GPHN: variants seen among roughly 807,000 people sequenced by gnomAD.
The protein encoded by GPHN is gephyrin.
A neutral mutation model predicts 95.5 loss-of-function variants in GPHN; 17 were observed. That is an observed-to-expected ratio of 0.18 (90% CI 0.12 to 0.27). The LOEUF (loss-of-function observed/expected upper bound fraction) is 0.27, where lower values mean the gene tolerates loss of function less well. Among genes scored for constraint, GPHN ranks in the 10% least tolerant of loss-of-function variants. The pLI, the probability that GPHN is intolerant of heterozygous loss-of-function variation, is 1.00. For missense variants in GPHN, 660 were observed against 978.1 expected, an observed-to-expected ratio of 0.67 and a Z score of 4.34; for synonymous variants, 320 against 322.5, an observed-to-expected ratio of 0.99 and a Z score of 0.08.
the GPHN span, among the ~76,000 whole-genome samples, chr14:67,187,225 A>G: frequency 6.6e-6 from 1 of 152,184 alleles, no homozygotes; most frequent in Admixed American, 6.5e-5. Flanking sequence ...TAAAAAAATC[A>G]TTTACTAAAC....
the GPHN span, among the ~76,000 whole-genome samples, chr14:67,605,637 C>T: frequency 6.6e-6 from 1 of 152,114 alleles, no homozygotes; most frequent in Admixed American, 6.5e-5. Flanking sequence ...TTTACAAAAG[C>T]TCCTATGTCA....
At chr14:66,638,874 AT>A (rs2064244932) in intron 1 of GPHN, among the ~76,000 whole-genome samples, 1 of 152,132 alleles carries the variant, frequency 6.6e-6, no homozygotes, top group Admixed American at 6.5e-5. Context: ...CAGATGACAC[AT>A]TCCAAGATGC....
chr14:66,716,319 T>C (rs539704463), intron 2 of GPHN, among the ~76,000 whole-genome samples: 30 of 152,338 alleles, frequency 2.0e-4, no homozygotes, highest in African/African-American at 6.7e-4. Flanking sequence ...CAAGAATAGC[T>C]ACTCCTGCTG....
intron 17 of GPHN, chr14:67,142,908 A>T: frequency 4.6e-6 from 1 of 218,000 alleles, no homozygotes; most frequent in Non-Finnish European, 9.2e-6. Context: ...ACCTCTCTGA[A>T]TCCAGCTCAT....
the GPHN span, among the ~76,000 whole-genome samples, chr14:67,522,155 G>A: frequency 1.3e-5 from 2 of 152,030 alleles, no homozygotes; most frequent in Non-Finnish European, 2.9e-5. Flanking sequence ...CCTGGGTGAC[G>A]GAGTGAGACT....
chr14:67,423,494 A>G, the GPHN span, among the ~76,000 whole-genome samples: 1 of 151,924 alleles, frequency 6.6e-6, no homozygotes, highest in South Asian at 2.1e-4. Flanking sequence ...AAAGGTGGGG[A>G]GGGACCACAG....
chr14:67,493,606 A>G, the GPHN span, among the ~76,000 whole-genome samples: 1 of 152,204 alleles, frequency 6.6e-6, no homozygotes, highest in African/African-American at 2.4e-5. Context: ...ACTGAGGGTC[A>G]GTGTGCTTTG....
the GPHN span, among the ~76,000 whole-genome samples, chr14:67,326,666 T>C: frequency 7.9e-5 from 12 of 152,288 alleles, no homozygotes; most frequent in South Asian, 2.1e-3. Flanking sequence ...ACTAATCTGC[T>C]TTCTGTCACT....
At chr14:66,623,462 A>G (rs1595287369) in intron 1 of GPHN, among the ~76,000 whole-genome samples, 1 of 152,080 alleles carries the variant, frequency 6.6e-6, no homozygotes, top group African/African-American at 2.4e-5. Flanking sequence ...TACTAAAAAT[A>G]CAAAAATTGG....
At chr14:66,894,255 A>G (rs1477601130) in intron 5 of GPHN, among the ~76,000 whole-genome samples, 1 of 152,194 alleles carries the variant, frequency 6.6e-6, no homozygotes, top group Non-Finnish European at 1.5e-5. Flanking sequence ...AAAACAAGCA[A>G]TGGGGAAAGG....
chr14:66,738,697 TTAAA>T (rs933978468), intron 2 of GPHN, among the ~76,000 whole-genome samples: 4 of 152,124 alleles, frequency 2.6e-5, no homozygotes, highest in African/African-American at 9.7e-5. Context: ...GTAAATAAAC[TTAAA>T]TATATAAAAA....
chr14:67,317,865 AT>A, the GPHN span, among the ~76,000 whole-genome samples: 2 of 152,216 alleles, frequency 1.3e-5, no homozygotes, highest in Admixed American at 6.5e-5. Flanking sequence ...ACACAAGAGA[AT>A]TTTAGTTTTA....
chr14:67,647,850 G>A, the GPHN span: 1 of 593,300 alleles, frequency 1.7e-6, no homozygotes, highest in Admixed American at 3.0e-5. Flanking sequence ...TCATGAAGTG[G>A]TATGTAGGAA....
At chr14:67,582,056 C>A in the GPHN span, 1 of 1,604,100 alleles carries the variant, frequency 6.2e-7, no homozygotes, top group Non-Finnish European at 8.5e-7. This position sits in a 1 kb window ranked among gnomAD's most constrained non-coding sequence, Gnocchi z 5.0. Flanking sequence ...GTTTCTTATT[C>A]TCTTCTTTGT....
At chr14:67,513,731 C>A in the GPHN span, among the ~76,000 whole-genome samples, 1 of 152,162 alleles carries the variant, frequency 6.6e-6, no homozygotes, top group Admixed American at 6.5e-5. Context: ...CAGTCTAGGG[C>A]CCTCCAGTGC....
At chr14:67,216,788 A>T in the GPHN span, among the ~76,000 whole-genome samples, 1 of 152,112 alleles carries the variant, frequency 6.6e-6, no homozygotes, top group Non-Finnish European at 1.5e-5. Flanking sequence ...TTGATTTTTA[A>T]AAATTTTGGA....
the GPHN span, among the ~76,000 whole-genome samples, chr14:67,618,433 G>A: frequency 6.6e-6 from 1 of 152,148 alleles, no homozygotes; most frequent in South Asian, 2.1e-4. Context: ...AGATGCAGTG[G>A]TGTGATCATG....
At chr14:67,015,035 A>G (rs2073223383) in intron 9 of GPHN, among the ~76,000 whole-genome samples, 1 of 152,236 alleles carries the variant, frequency 6.6e-6, no homozygotes, top group Admixed American at 6.5e-5. Flanking sequence ...TCATGGTGAT[A>G]ACCAGTTCTA....
the GPHN span, among the ~76,000 whole-genome samples, chr14:67,643,852 T>TAAAAAA: frequency 1.1e-4 from 9 of 81,216 alleles, no homozygotes; most frequent in South Asian, 3.3e-4. Flanking sequence ...TCCTTGGGAG[T>TAAAAAA]AAAAAAAAAA....
Sources: allele counts gnomAD v4.1 joint callset (sites outside exome capture counted in the v4.1 genomes callset), GRCh38; gene constraint gnomAD v4.1.1; non-coding constraint Gnocchi (gnomAD v3.1); transcripts MANE v1.5; gene names NCBI Gene and HGNC (gene_info 2026-07-23, HGNC 2026-07-21).